Variants in TRPS1 observed in about 807,000 individuals in gnomAD.
The protein encoded by TRPS1 is zinc finger transcription factor Trps1.
In TRPS1, 6 loss-of-function variants were observed where a neutral mutation model predicts 101.2. The ratio of observed to expected loss-of-function variants is 0.06; its 90% CI spans 0.03 to 0.12. TRPS1 has a LOEUF of 0.12. TRPS1 is among the 10% of genes least tolerant of loss of function. TRPS1 has a pLI of 1.00. For synonymous variants in TRPS1, 578 were observed against 589.8 expected (o/e 0.98, Z 0.29); for missense variants, 1,363 against 1,567.0 (o/e 0.87, Z 2.20).
intron 5 of TRPS1, among the ~76,000 whole-genome samples, chr8:115,573,522 T>C (rs1223640020): frequency 6.6e-6 from 1 of 152,180 alleles, no homozygotes; most frequent in Non-Finnish European, 1.5e-5. Context: ...TATCCTAGTG[T>C]AGGCTCCCTG....
chr8:115,657,137 G>A (rs748529086), intron 1 of TRPS1, among the ~76,000 whole-genome samples: 2 of 151,952 alleles, frequency 1.3e-5, no homozygotes, highest in Non-Finnish European at 2.9e-5. Flanking sequence ...AACAACTTTC[G>A]GCACTTAAAA....
At chr8:115,537,710 C>A (rs1000168234) in intron 5 of TRPS1, among the ~76,000 whole-genome samples, 1 of 152,106 alleles carries the variant, frequency 6.6e-6, no homozygotes, top group Non-Finnish European at 1.5e-5. Flanking sequence ...CCAGGAAATT[C>A]AACGGTTTAA....
chr8:115,564,175 G>C (rs1817012385), intron 5 of TRPS1, among the ~76,000 whole-genome samples: 1 of 152,044 alleles, frequency 6.6e-6, no homozygotes, highest in African/African-American at 2.4e-5. Context: ...GAGAAAAATA[G>C]CAGCGATTAA....
At chr8:115,467,346 C>T (rs1814348040) in intron 5 of TRPS1, among the ~76,000 whole-genome samples, 1 of 151,732 alleles carries the variant, frequency 6.6e-6, no homozygotes, top group African/African-American at 2.4e-5. Flanking sequence ...TAAAAATGCT[C>T]CAGGAACACT....
intron 5 of TRPS1, among the ~76,000 whole-genome samples, chr8:115,552,212 CT>C (rs1021696241): frequency 4.6e-5 from 7 of 151,878 alleles, no homozygotes; most frequent in Admixed American, 2.6e-4. Context: ...ACAGTATATG[CT>C]TTTTTTTCCT....
intron 1 of TRPS1, among the ~76,000 whole-genome samples, chr8:115,651,155 T>C (rs1811550554): frequency 6.6e-6 from 1 of 152,192 alleles, no homozygotes; most frequent in African/African-American, 2.4e-5. Flanking sequence ...GTTCATAGTG[T>C]CTCACATATA....
At chr8:115,479,168 TA>T (rs1814690161) in intron 5 of TRPS1, among the ~76,000 whole-genome samples, 1 of 152,062 alleles carries the variant, frequency 6.6e-6, no homozygotes, top group Non-Finnish European at 1.5e-5. Context: ...ACACAGTCAA[TA>T]AATTTGTTAT....
At chr8:115,536,557 T>C (rs1222514046) in intron 5 of TRPS1, among the ~76,000 whole-genome samples, 1 of 151,254 alleles carries the variant, frequency 6.6e-6, no homozygotes, top group African/African-American at 2.4e-5. Flanking sequence ...TTCACAGCAT[T>C]GTAAAATGCC....
At chr8:115,585,008 T>C (rs906785497) in intron 5 of TRPS1, among the ~76,000 whole-genome samples, 1 of 152,178 alleles carries the variant, frequency 6.6e-6, no homozygotes, top group African/African-American at 2.4e-5. Context: ...TGCATATGCA[T>C]GTATTTGTAT....
At position 115,587,440 on chromosome 8, in the gene TRPS1, T is replaced by C; in HGVS notation, c.2261A>G (p.Lys754Arg). The change falls in exon 5 of 7, where the codon AAA becomes AGA. Residue 754 changes from lysine to arginine, a missense_variant. Transcript: ENST00000395715. ...HAISTIKEEPKIDFRVYNLLT... is the reference protein window; with the variant it reads ...HAISTIKEEPRIDFRVYNLLT... ...CAGATTGTAGACCCTGAAGTCAATT[T>C]TGGGCTCCTCTTTGATGGTGGATAT... 6.2e-7 allele frequency: 1 copy of C among 1,614,188 alleles called. No homozygotes were observed.
intron 5 of TRPS1, among the ~76,000 whole-genome samples, chr8:115,433,929 G>A (rs988801613): frequency 2.0e-5 from 3 of 152,146 alleles, no homozygotes; most frequent in African/African-American, 7.2e-5. Context: ...TTAAAAGAAA[G>A]CAGTGTCTAT....
intron 5 of TRPS1, among the ~76,000 whole-genome samples, chr8:115,502,199 C>T (rs960818385): frequency 5.3e-5 from 8 of 152,000 alleles, no homozygotes; most frequent in Non-Finnish European, 8.8e-5. Flanking sequence ...AAGATCAGGG[C>T]AAGATCAATT....
chr8:115,426,152 T>A (rs910172543), intron 5 of TRPS1, among the ~76,000 whole-genome samples: 1 of 152,178 alleles, frequency 6.6e-6, no homozygotes, highest in Non-Finnish European at 1.5e-5. Flanking sequence ...CTATGGGGAC[T>A]TTCTTCTATG....
At chr8:115,589,915 G>A (rs1367506933) in intron 4 of TRPS1, among the ~76,000 whole-genome samples, 9 of 152,086 alleles carry the variant, frequency 5.9e-5, no homozygotes, top group Non-Finnish European at 1.2e-4. Flanking sequence ...TCAGAAGTTC[G>A]AGACCAGCCT....
Position 115,586,997 on chromosome 8 carries a change from C to A in TRPS1, c.2700+4G>T. 1 of 1,614,134 alleles carries A rather than the reference C, an allele frequency of 6.2e-7. No individual in the cohort carries two copies. Among genetic ancestry groups the A allele is most frequent in the South Asian group, 1.1e-5 (1 of 91,074 alleles). ...TGAATTATTTAAAAATGAAACCATC[C>A]TACCCGTAACAGGGACTGGGATTCA... On this transcript the variant is annotated splice_donor_region_variant and intron_variant, in intron 5 of 6. Transcript: ENST00000395715.
chr8:115,534,527 C>T (rs899055506), intron 5 of TRPS1, among the ~76,000 whole-genome samples: 1 of 152,344 alleles, frequency 6.6e-6, no homozygotes, highest in Non-Finnish European at 1.5e-5. Context: ...AAGCTCTAAC[C>T]CCCGGTGTGA....
chr8:115,596,651 G>A (rs1025754563), intron 4 of TRPS1, among the ~76,000 whole-genome samples: 3 of 151,402 alleles, frequency 2.0e-5, no homozygotes, highest in African/African-American at 7.3e-5. Context: ...ATATACATGA[G>A]TATCATATAC....
intron 1 of TRPS1, among the ~76,000 whole-genome samples, chr8:115,659,671 T>C (rs888834506): frequency 2.0e-5 from 3 of 151,978 alleles, no homozygotes; most frequent in Admixed American, 6.6e-5. Flanking sequence ...CTTAAGAGTA[T>C]TGAGAGAAAA....
In TRPS1 at chr8:115,412,154, C is replaced by A. The variant is rs1342179015; in HGVS notation, c.*1869G>T. ...TATATGTTTATCATCTTAAGCATAACAATGTGAGTTAAGAGCTTAAAAATT... is the reference window on the plus strand; with the variant it reads ...TATATGTTTATCATCTTAAGCATAAAAATGTGAGTTAAGAGCTTAAAAATT... On this transcript the variant is annotated 3_prime_UTR_variant, in exon 7 of 7. Coordinates refer to ENST00000395715, the MANE Select transcript of TRPS1 (RefSeq NM_014112.5). 1.3e-5 allele frequency: 2 copies of A among 151,202 alleles called. No homozygotes were observed. Among genetic ancestry groups the A allele is most frequent in the African/African-American group, 4.9e-5 (2 of 40,904 alleles). The allele number at this position is 151,202 out of a possible 1,614,324, so 9.4% of individuals were successfully genotyped here. A position where few individuals can be genotyped will look rare whatever the true frequency, so the allele number is the denominator to read the frequency against.
Sources: gnomAD v4.1 joint callset for allele counts (sites outside exome capture counted in the v4.1 genomes callset) on GRCh38, gnomAD v4.1.1 for gene constraint, MANE v1.5 for transcripts, NCBI Gene and HGNC (gene_info 2026-07-23, HGNC 2026-07-21) for gene names.